CLPB: variants seen among roughly 807,000 people sequenced by gnomAD.
CLPB encodes mitochondrial disaggregase.
CLPB carries 40 observed loss-of-function variants against 78.4 expected under a neutral mutation model. The observed-to-expected ratio is 0.51, with a 90% CI of 0.40 to 0.66. CLPB has a LOEUF of 0.66. Among genes scored for constraint, CLPB ranks in the 30% least tolerant of loss-of-function variants. The probability of loss-of-function intolerance (pLI) is 0.00; values close to 1 mark genes in which losing one functional copy is unlikely to be tolerated. For synonymous variants in CLPB, 333 were observed against 348.0 expected, an observed-to-expected ratio of 0.96 and a Z score of 0.48; for missense variants, 780 against 886.9, an observed-to-expected ratio of 0.88 and a Z score of 1.53.
intron 3 of CLPB, among the ~76,000 whole-genome samples, chr11:72,399,037 A>G (rs1855490352): frequency 6.6e-6 from 1 of 150,704 alleles, no homozygotes; most frequent in Admixed American, 6.6e-5. Flanking sequence ...TTTGCTGAAT[A>G]TACATAATGA....
intron 2 of CLPB, among the ~76,000 whole-genome samples, chr11:72,418,081 C>T (rs2135129822): frequency 6.6e-6 from 1 of 152,300 alleles, no homozygotes; most frequent in Non-Finnish European, 1.5e-5. Flanking sequence ...GCCTTCCATC[C>T]ACATGAATGG....
At chr11:72,368,797 A>G (rs1472690274) in intron 4 of CLPB, among the ~76,000 whole-genome samples, 2 of 152,194 alleles carry the variant, frequency 1.3e-5, no homozygotes, top group African/African-American at 4.8e-5. Context: ...GAAGGCACTC[A>G]TGGTCAAGTA....
At chr11:72,429,103 G>GC (rs1173589284) in intron 2 of CLPB, 1 of 152,220 alleles carries the variant, frequency 6.6e-6, no homozygotes, top group Non-Finnish European at 1.5e-5. Context: ...AAGCACATCT[G>GC]TTTCTGGAGG....
intron 5 of CLPB, among the ~76,000 whole-genome samples, chr11:72,348,507 T>C (rs1327456295): frequency 1.3e-5 from 2 of 152,200 alleles, no homozygotes; most frequent in African/African-American, 4.8e-5. Flanking sequence ...CTGCCTCACC[T>C]GAAAAGCTTC....
At chr11:72,320,080 G>A (rs1170101604) in intron 6 of CLPB, among the ~76,000 whole-genome samples, 2 of 152,226 alleles carry the variant, frequency 1.3e-5, no homozygotes, top group Admixed American at 6.5e-5. Flanking sequence ...CCCGGCTCTA[G>A]AGGTGCCTCC....
rs1565427563 is a variant in CLPB, at chr11:72,307,263, AAAG to A, written c.1067-12_1067-10del. The A allele has an allele frequency of 6.2e-7, 1 of 1,613,826 alleles. No homozygotes were observed. Among genetic ancestry groups the A allele is most frequent in the Non-Finnish European group, 8.5e-7 (1 of 1,179,798 alleles). On this transcript the variant is annotated splice_polypyrimidine_tract_variant and intron_variant, in intron 8 of 15. Coordinates refer to ENST00000538039, the MANE Select transcript of CLPB (RefSeq NM_001258392.3). ...GGCCAGCTCTGTTTTTCCTAGTAAGAAAGAAGGGGGAGGTGTTGGGTTAGAACC... is the reference window on the plus strand; with the variant it reads ...GGCCAGCTCTGTTTTTCCTAGTAAGAAAGGGGGAGGTGTTGGGTTAGAACC...
At chr11:72,383,149 G>T (rs1854967599) in intron 3 of CLPB, among the ~76,000 whole-genome samples, 1 of 151,474 alleles carries the variant, frequency 6.6e-6, no homozygotes, top group African/African-American at 2.4e-5. Context: ...TCAGTTATTT[G>T]AAAATAGGAA....
chr11:72,320,231 C>G (rs1950021668), intron 6 of CLPB, among the ~76,000 whole-genome samples: 1 of 152,226 alleles, frequency 6.6e-6, no homozygotes, highest in Non-Finnish European at 1.5e-5. Context: ...TCTAACATAA[C>G]TTTTCTTTCC....
chr11:72,402,525 G>C (rs1855592987), intron 3 of CLPB, among the ~76,000 whole-genome samples: 1 of 152,182 alleles, frequency 6.6e-6, no homozygotes, highest in South Asian at 2.1e-4. Flanking sequence ...CCTCCAATGG[G>C]AGGGAAAGAA....
chr11:72,352,793 G>A (rs2135593730), intron 5 of CLPB: 1 of 152,384 alleles, frequency 6.6e-6, no homozygotes, highest in East Asian at 1.9e-4. Context: ...TGGCAGCAGA[G>A]ATGATCAGTA....
At chr11:72,432,410 C>T (rs1387836177) in intron 1 of CLPB, among the ~76,000 whole-genome samples, 1 of 152,166 alleles carries the variant, frequency 6.6e-6, no homozygotes, top group Non-Finnish European at 1.5e-5. Context: ...CTACTTCATC[C>T]TTCAGAACTC....
chr11:72,300,559 G>A (rs956340268), intron 11 of CLPB, among the ~76,000 whole-genome samples: 1 of 152,150 alleles, frequency 6.6e-6, no homozygotes, highest in African/African-American at 2.4e-5. Flanking sequence ...AAGATACAAC[G>A]GAACGGGCAG....
chr11:72,294,578 A>C, intron 13 of CLPB, 42 bp downstream of exon 13: 1 of 1,608,654 alleles, frequency 6.2e-7, no homozygotes, highest in Non-Finnish European at 8.5e-7. Flanking sequence ...ACCCTCCCCC[A>C]ACCTTAGGCT....
At chr11:72,407,646 A>C (rs898831762) in intron 2 of CLPB, among the ~76,000 whole-genome samples, 14 of 150,314 alleles carry the variant, frequency 9.3e-5, no homozygotes, top group African/African-American at 3.4e-4. Flanking sequence ...TCTGCCACCT[A>C]CTATTTTTTT....
At chr11:72,423,651 A>G (rs1465667182) in intron 2 of CLPB, among the ~76,000 whole-genome samples, 3 of 152,270 alleles carry the variant, frequency 2.0e-5, no homozygotes, top group Non-Finnish European at 2.9e-5. Context: ...CTGCAGATCT[A>G]TATCATGTCA....
At chr11:72,318,909 C>A (rs1590788679) in intron 6 of CLPB, among the ~76,000 whole-genome samples, 2 of 152,190 alleles carry the variant, frequency 1.3e-5, no homozygotes, top group Admixed American at 6.6e-5. Context: ...CCTGCCCACC[C>A]AGCCCCGCTC....
intron 15 of CLPB, 140 bp from the exon 16 acceptor site, chr11:72,293,755 A>T (rs1356229150): frequency 1.8e-6 from 2 of 1,087,918 alleles, no homozygotes; most frequent in East Asian, 2.6e-5. Context: ...ATTGGGGCTA[A>T]TAACAGCTAG....
At chr11:72,327,290 GC>G (rs2135545906) in intron 6 of CLPB, among the ~76,000 whole-genome samples, 1 of 152,296 alleles carries the variant, frequency 6.6e-6, no homozygotes, top group East Asian at 1.9e-4. Context: ...CTGGCCAGAT[GC>G]CCTATTACCA....
chr11:72,366,355 C>A (rs774120674), intron 4 of CLPB, among the ~76,000 whole-genome samples: 4 of 152,092 alleles, frequency 2.6e-5, no homozygotes, highest in Non-Finnish European at 5.9e-5. Context: ...GCTGGGATTA[C>A]AGGTGTGCAC....
Sources: allele counts gnomAD v4.1 joint callset (sites outside exome capture counted in the v4.1 genomes callset), GRCh38; gene constraint gnomAD v4.1.1; transcripts MANE v1.5; gene names NCBI Gene and HGNC (gene_info 2026-07-23, HGNC 2026-07-21).